Variants in THADA observed in about 807,000 individuals in gnomAD.
The protein encoded by THADA is THADA armadillo repeat containing.
Under a neutral mutation model 219.8 loss-of-function variants are expected in THADA, and 213 were observed. The observed-to-expected ratio is 0.97, with a 90% CI of 0.87 to 1.09. The LOEUF is 1.09. Ranked by LOEUF, THADA falls within the 50% of genes least tolerant of loss-of-function variation. The pLI, the probability that THADA is intolerant of heterozygous loss-of-function variation, is 0.00. For synonymous variants in THADA, 1,018 were observed against 828.9 expected, an observed-to-expected ratio of 1.23 and a Z score of -3.92; for missense variants, 2,956 against 2,311.3, an observed-to-expected ratio of 1.28 and a Z score of -5.72.
intron 36 of THADA, among the ~76,000 whole-genome samples, chr2:43,262,024 G>A (rs928617765): frequency 1.3e-5 from 2 of 152,138 alleles, no homozygotes; most frequent in Non-Finnish European, 2.9e-5. Flanking sequence ...CACCCGCCTC[G>A]GCCTCTCAAA....
intron 21 of THADA, among the ~76,000 whole-genome samples, chr2:43,535,056 A>C (rs67584485): frequency 6.6e-6 from 1 of 151,198 alleles, no homozygotes; most frequent in African/African-American, 2.4e-5. Flanking sequence ...GAATGAAATG[A>C]TATCTCATTG....
At chr2:43,555,855 A>G (rs1484379096) in intron 17 of THADA, among the ~76,000 whole-genome samples, 1 of 152,230 alleles carries the variant, frequency 6.6e-6, no homozygotes, top group East Asian at 1.9e-4. Flanking sequence ...AAAATTAAGT[A>G]CATGAATCCC....
chr2:43,452,696 G>C (rs183934923), intron 26 of THADA, among the ~76,000 whole-genome samples: 1 of 152,148 alleles, frequency 6.6e-6, no homozygotes, highest in African/African-American at 2.4e-5. Context: ...CTTCTACTCC[G>C]ACACACTGAG....
intron 36 of THADA, among the ~76,000 whole-genome samples, chr2:43,245,186 T>TTTTTTTTTG: frequency 7.0e-6 from 1 of 143,452 alleles, no homozygotes; most frequent in Non-Finnish European, 1.5e-5. Flanking sequence ...TTTTTTTTTT[T>TTTTTTTTTG]TTTTGAGACG....
At chr2:43,234,990 T>C (rs1021493010) in intron 36 of THADA, among the ~76,000 whole-genome samples, 6 of 151,122 alleles carry the variant, frequency 4.0e-5, no homozygotes, top group African/African-American at 9.8e-5. Context: ...CACTCTTTTT[T>C]TTTTTCTCAG....
At chr2:43,260,129 G>A (rs1670774143) in intron 36 of THADA, among the ~76,000 whole-genome samples, 1 of 152,104 alleles carries the variant, frequency 6.6e-6, no homozygotes, top group South Asian at 2.1e-4. Flanking sequence ...GATTACAAGT[G>A]CCCGCCACCA....
At position 43,294,925 on chromosome 2, in the gene THADA, C is replaced by T. The variant is rs116280635; in HGVS notation, c.4439-1712G>A. On this transcript the variant is annotated intron_variant, in intron 31 of 37. Coordinates refer to ENST00000405975, the MANE Select transcript of THADA (RefSeq NM_022065.5). ...TAGGGTAGGAGTCTCGGGTACCTCCCAGCACCCAGTTCTTCACACATGTTC... is the reference window on the plus strand; with the variant it reads ...TAGGGTAGGAGTCTCGGGTACCTCCTAGCACCCAGTTCTTCACACATGTTC... 9.8e-3 allele frequency among the ~76,000 whole-genome samples: 1,496 copies of T among 152,234 alleles called. 22 individuals are homozygous for T. The highest frequency in any genetic ancestry group is 0.033 in the African/African-American group (1,358 of 41,528).
chr2:43,462,873 G>A (rs978439374), intron 26 of THADA, among the ~76,000 whole-genome samples: 3 of 152,164 alleles, frequency 2.0e-5, no homozygotes, highest in Non-Finnish European at 2.9e-5. Context: ...CACTCTCACA[G>A]AGACTCAATT....
rs545649669 is a variant in THADA at position 43,278,559 on chromosome 2, G to A, written c.5296+1206C>T. Among the ~76,000 whole-genome samples the A allele has an allele frequency of 1.8e-4, 27 of 152,312 alleles. No homozygotes were observed. In the South Asian group the frequency reaches 4.1e-3, roughly 23 times the overall value. ...AGTCTGGCAGGTTGGGGGCTGAGGG[G>A]AGCCTGCTTGCATATCACTTGCAGC... On this transcript the variant is annotated intron_variant, in intron 36 of 37. Coordinates refer to ENST00000405975, the MANE Select transcript of THADA (RefSeq NM_022065.5).
At chr2:43,356,343 T>C (rs368973627) in intron 29 of THADA, among the ~76,000 whole-genome samples, 1 of 152,180 alleles carries the variant, frequency 6.6e-6, no homozygotes, top group African/African-American at 2.4e-5. Flanking sequence ...GAATGAAATA[T>C]GTTTCATATC....
chr2:43,419,434 G>A (rs930399245), intron 28 of THADA, among the ~76,000 whole-genome samples: 1 of 152,208 alleles, frequency 6.6e-6, no homozygotes, highest in African/African-American at 2.4e-5. Context: ...GAAATAGACG[G>A]TGGGGGCCAA....
chr2:43,309,055 CTG>C (rs1205731052), intron 31 of THADA, among the ~76,000 whole-genome samples: 1 of 152,156 alleles, frequency 6.6e-6, no homozygotes, highest in Admixed American at 6.5e-5. Flanking sequence ...CAGGTAAAAA[CTG>C]TGCAAAACAT....
chr2:43,545,237 G>C (rs1276417498), intron 20 of THADA, among the ~76,000 whole-genome samples: 1 of 151,354 alleles, frequency 6.6e-6, no homozygotes, highest in Non-Finnish European at 1.5e-5. Context: ...CTTGATCATG[G>C]TGGATAAGCT....
chr2:43,457,542 T>G (rs1253490094), intron 26 of THADA, among the ~76,000 whole-genome samples: 1 of 152,182 alleles, frequency 6.6e-6, no homozygotes, highest in Admixed American at 6.6e-5. Flanking sequence ...ATACAAAGAC[T>G]AAATAAAAAC....
chr2:43,591,350 A>T (rs1316261478), intron 3 of THADA, among the ~76,000 whole-genome samples: 1 of 152,108 alleles, frequency 6.6e-6, no homozygotes, highest in East Asian at 1.9e-4. Flanking sequence ...ACAAAGTGTC[A>T]ATTACGTGAA....
At chr2:43,331,410 T>C (rs1275749555) in intron 30 of THADA, among the ~76,000 whole-genome samples, 3 of 152,196 alleles carry the variant, frequency 2.0e-5, no homozygotes, top group Admixed American at 6.5e-5. Flanking sequence ...CTAAGCGAGG[T>C]TGGAAAGATG....
intron 26 of THADA, among the ~76,000 whole-genome samples, chr2:43,459,846 A>T (rs79955955): frequency 0.11 from 16,654 of 152,212 alleles, 1,031 homozygotes; most frequent in African/African-American, 0.16. Context: ...GAGTTTGCCT[A>T]CTTTTTAAAA....
At chr2:43,295,526 C>T (rs1027723277) in intron 31 of THADA, among the ~76,000 whole-genome samples, 20 of 152,232 alleles carry the variant, frequency 1.3e-4, no homozygotes, top group African/African-American at 3.4e-4. Flanking sequence ...TCATAGCATT[C>T]TCTGATAAAT....
intron 30 of THADA, chr2:43,343,062 C>G (rs1429012378): frequency 1.3e-5 from 2 of 152,100 alleles, no homozygotes; most frequent in Non-Finnish European, 2.9e-5. Flanking sequence ...AGGTCTCACT[C>G]TGTCACCCAG....
Sources: allele counts gnomAD v4.1 joint callset (sites outside exome capture counted in the v4.1 genomes callset), GRCh38; gene constraint gnomAD v4.1.1; transcripts MANE v1.5; gene names NCBI Gene and HGNC (gene_info 2026-07-23, HGNC 2026-07-21).